Variants in PCDH15 observed in about 807,000 individuals in gnomAD.
PCDH15 encodes the protein protocadherin related 15, also known as protocadherin-15.
A neutral mutation model predicts 178.5 loss-of-function variants in PCDH15; 129 were observed. The observed-to-expected ratio is 0.72, with a 90% CI of 0.63 to 0.84. The LOEUF (loss-of-function observed/expected upper bound fraction) is 0.84. Among genes scored for constraint, PCDH15 ranks in the 40% least tolerant of loss-of-function variants. The probability of loss-of-function intolerance (pLI) is 0.00; values close to 1 mark genes in which losing one functional copy is unlikely to be tolerated. For missense variants in PCDH15, 2,230 were observed against 2,099.9 expected, an observed-to-expected ratio of 1.06 and a Z score of -1.21; for synonymous variants, 800 against 732.0, an observed-to-expected ratio of 1.09 and a Z score of -1.50.
intron 1 of PCDH15, among the ~76,000 whole-genome samples, chr10:55,314,308 C>A (rs2132292128): frequency 6.6e-6 from 1 of 151,186 alleles, no homozygotes; most frequent in Non-Finnish European, 1.5e-5. Flanking sequence ...TCTCTTTATA[C>A]ATTTTCTCTA....
intron 1 of PCDH15, among the ~76,000 whole-genome samples, chr10:54,777,071 G>T (rs529409246): frequency 6.6e-6 from 1 of 152,094 alleles, no homozygotes; most frequent in South Asian, 2.1e-4. Context: ...TGGTTGATGC[G>T]TTGTGCTTTT....
At chr10:54,343,977 C>A (rs916172776) in intron 6 of PCDH15, among the ~76,000 whole-genome samples, 20 of 152,102 alleles carry the variant, frequency 1.3e-4, no homozygotes, top group African/African-American at 4.8e-4. Context: ...AGTAAAAGTG[C>A]CACACTATGG....
At chr10:55,589,694 C>CA (rs1166393594) in intron 2 of PCDH15, among the ~76,000 whole-genome samples, 17 of 151,110 alleles carry the variant, frequency 1.1e-4, no homozygotes, top group African/African-American at 3.9e-4. Flanking sequence ...TTTATGCAGC[C>CA]AAAAAACACA....
chr10:54,914,719 A>ATC lies in PCDH15; in HGVS notation c.-79-17221_-79-17220dup, dbSNP rs796765482. 1.9e-4 allele frequency among the ~76,000 whole-genome samples: 29 copies of ATC among 152,308 alleles called. 1 individual carries two copies. Among genetic ancestry groups the ATC allele is most frequent in the African/African-American group, 7.0e-4 (29 of 41,576 alleles). On this transcript the variant is annotated intron_variant, in intron 2 of 5. Transcript: ENST00000458638. ...TTCATGCTGAAAACAGCATTAGATA[A>ATC]TCTACATAAGGCTTCTACTAAGAAA... is the stretch of plus-strand genomic sequence containing the variant.
rs552779074 is a variant in PCDH15 at position 54,208,917 on chromosome 10, A to G, written c.1098+5019T>C. Among the ~76,000 whole-genome samples, 7 of 151,514 alleles carry G rather than the reference A, an allele frequency of 4.6e-5. No individual in the cohort carries two copies. The South Asian group carries it at 1.0e-3, about 23-fold the overall frequency. On this transcript the variant is annotated intron_variant, in intron 10 of 37. Coordinates refer to ENST00000644397, the MANE Select transcript of PCDH15 (RefSeq NM_001384140.1). ...TTGTCCTAACTCTGGGTCACTATGG[A>G]CCCTGTTCAACCTCACCTTAAAGGA...
At chr10:54,914,950 T>A (rs1465770552) in intron 2 of PCDH15, among the ~76,000 whole-genome samples, 1 of 152,224 alleles carries the variant, frequency 6.6e-6, no homozygotes, top group Non-Finnish European at 1.5e-5. Context: ...GATACAATCT[T>A]ATGATGGGTT....
At chr10:55,399,365 G>A (rs1177768544) in intron 2 of PCDH15, among the ~76,000 whole-genome samples, 1 of 152,068 alleles carries the variant, frequency 6.6e-6, no homozygotes. Context: ...TATGCTATGA[G>A]AACTATAAAA....
intron 3 of PCDH15, among the ~76,000 whole-genome samples, chr10:54,474,838 A>G (rs1361362214): frequency 6.6e-6 from 1 of 152,024 alleles, no homozygotes; most frequent in African/African-American, 2.4e-5. Flanking sequence ...CAATGAAACA[A>G]ATTCTTTGAA....
rs983109263 is a variant in PCDH15, at chr10:55,539,191, T to C, written c.-156+88434A>G. On this transcript the variant is annotated intron_variant, in intron 2 of 5. Coordinates refer to the PCDH15 transcript ENST00000613346. ...TCAAACACTAACTCATAATAAATAT[T>C]AACCAAGTGTTTTTGAAGTAATACA... Among the ~76,000 whole-genome samples the C allele has an allele frequency of 2.0e-5, 3 of 152,054 alleles. No homozygotes were observed. The South Asian group carries it at 6.2e-4, about 31-fold the overall frequency.
intron 3 of PCDH15, among the ~76,000 whole-genome samples, chr10:54,885,513 A>C (rs1954341566): frequency 6.6e-6 from 1 of 152,072 alleles, no homozygotes; most frequent in African/African-American, 2.4e-5. Flanking sequence ...TAAAAAGCAA[A>C]TAAAAAAAGA....
intron 2 of PCDH15, among the ~76,000 whole-genome samples, chr10:54,932,963 C>G (rs978734597): frequency 3.3e-5 from 5 of 152,128 alleles, no homozygotes; most frequent in African/African-American, 1.2e-4. Flanking sequence ...TGGTTAAGTG[C>G]TCTATAAAGG....
chr10:55,142,580 T>C (rs557236530), intron 2 of PCDH15, among the ~76,000 whole-genome samples: 5 of 61,192 alleles, frequency 8.2e-5, no homozygotes, highest in African/African-American at 2.0e-4. Context: ...TGTGTATCTA[T>C]AGTTTTTTGC....
At chr10:54,432,790 A>G (rs952641750) in intron 3 of PCDH15, among the ~76,000 whole-genome samples, 1 of 152,202 alleles carries the variant, frequency 6.6e-6, no homozygotes, top group African/African-American at 2.4e-5. Flanking sequence ...TGAACTGACA[A>G]TCCACAGAAT....
intron 2 of PCDH15, among the ~76,000 whole-genome samples, chr10:55,562,210 G>T (rs1842213657): frequency 6.6e-6 from 1 of 151,908 alleles, no homozygotes; most frequent in African/African-American, 2.4e-5. Flanking sequence ...CAGAACTTCA[G>T]TTTAGCTGGA....
chr10:54,372,134 A>G lies in PCDH15; in HGVS notation c.319-2859T>C, dbSNP rs377458277. Among the ~76,000 whole-genome samples, 10 of 152,044 alleles carry G rather than the reference A, an allele frequency of 6.6e-5. No individual in the cohort carries two copies. The South Asian group carries it at 8.3e-4, about 13-fold the overall frequency. On this transcript the variant is annotated intron_variant, in intron 4 of 37. Coordinates refer to ENST00000644397, the MANE Select transcript of PCDH15 (RefSeq NM_001384140.1). Reference sequence around the variant, plus strand: ...AATATGTGTACTGTTTGTCCTTGGCACACCTCTTGGAAGACAATGAGGTGA... The same window carrying G: ...AATATGTGTACTGTTTGTCCTTGGCGCACCTCTTGGAAGACAATGAGGTGA...
chr10:54,302,723 G>A (rs2060213893), intron 8 of PCDH15, among the ~76,000 whole-genome samples: 1 of 152,146 alleles, frequency 6.6e-6, no homozygotes, highest in Non-Finnish European at 1.5e-5. Context: ...GTTGTGATCA[G>A]ATAGTTTATA....
chr10:55,191,651 AATT>A (rs1344398561), intron 1 of PCDH15, among the ~76,000 whole-genome samples: 1 of 151,932 alleles, frequency 6.6e-6, no homozygotes, highest in Admixed American at 6.6e-5. Flanking sequence ...TCACGTGACT[AATT>A]ATTGTTCCAT....
At chr10:55,548,276 G>T (rs551550396) in intron 2 of PCDH15, among the ~76,000 whole-genome samples, 19 of 150,402 alleles carry the variant, frequency 1.3e-4, no homozygotes, top group African/African-American at 4.4e-4. Context: ...AATGAACAGT[G>T]TTATTTTATG....
At chr10:54,840,698 C>G (rs954865721) in intron 3 of PCDH15, among the ~76,000 whole-genome samples, 1 of 151,668 alleles carries the variant, frequency 6.6e-6, no homozygotes, top group Admixed American at 6.6e-5. Flanking sequence ...CTCACCTTGA[C>G]TTTAAGAATA....
Sources: allele counts gnomAD v4.1 joint callset (sites outside exome capture counted in the v4.1 genomes callset), GRCh38; gene constraint gnomAD v4.1.1; transcripts MANE v1.5; gene names NCBI Gene and HGNC (gene_info 2026-07-23, HGNC 2026-07-21).